The following TBCD variants were observed in gnomAD, a reference collection of about 807,000 sequenced individuals.
TBCD encodes the protein tubulin folding cofactor D.
A neutral mutation model predicts 169.3 loss-of-function variants in TBCD; 105 were observed. The observed-to-expected ratio is 0.62, with a 90% CI of 0.53 to 0.73. TBCD has a LOEUF of 0.73. Among genes scored for constraint, TBCD ranks in the 30% least tolerant of loss-of-function variants. The pLI is 0.00. For synonymous variants in TBCD, 700 were observed against 643.9 expected, an observed-to-expected ratio of 1.09 and a Z score of -1.32; for missense variants, 1,444 against 1,600.1, an observed-to-expected ratio of 0.90 and a Z score of 1.66.
chr17:82,865,043 C>A (rs1044887281), intron 13 of TBCD, among the ~76,000 whole-genome samples: 7 of 152,222 alleles, frequency 4.6e-5, no homozygotes, highest in African/African-American at 1.7e-4. Context: ...TCCCTGCAGG[C>A]AGCTGAGGGC....
chr17:82,838,549 G>T, intron 13 of TBCD: 4 of 643,618 alleles, frequency 6.2e-6, no homozygotes, highest in Non-Finnish European at 7.7e-6. Context: ...ACAATATTGT[G>T]ATGTGGCGTT....
chr17:82,858,987 G>T (rs2056541730), intron 13 of TBCD, among the ~76,000 whole-genome samples: 1 of 152,240 alleles, frequency 6.6e-6, no homozygotes, highest in Non-Finnish European at 1.5e-5. Context: ...GGGCCAGGCT[G>T]CGTGGCAACC....
intron 32 of TBCD, 111 bp downstream of exon 32, chr17:82,929,611 A>G (rs746785278): frequency 5.5e-6 from 8 of 1,442,570 alleles, no homozygotes; most frequent in Middle Eastern, 1.7e-4. Flanking sequence ...ATTGCTTTCT[A>G]TCTCTCTCGG....
chr17:82,873,021 G>GGT (rs2057720954), intron 14 of TBCD, among the ~76,000 whole-genome samples: 1 of 143,406 alleles, frequency 7.0e-6, no homozygotes, highest in African/African-American at 2.8e-5. Flanking sequence ...AGGCCCGTCT[G>GGT]GGCAGCAGCT....
At chr17:82,926,191 G>A (rs529915008) in intron 27 of TBCD, among the ~76,000 whole-genome samples, 8 of 149,716 alleles carry the variant, frequency 5.3e-5, no homozygotes, top group African/African-American at 1.7e-4. Context: ...GGGTTGTACT[G>A]GGGGCCGTGG....
At position 82,889,183 on chromosome 17, in the gene TBCD, C is replaced by A. The variant is rs2058956979; in HGVS notation, c.1534-485C>A. Among the ~76,000 whole-genome samples the A allele has an allele frequency of 6.6e-6, 1 of 152,162 alleles. No individual in the cohort carries two copies. Among genetic ancestry groups the A allele is most frequent in the Non-Finnish European group, 1.5e-5 (1 of 68,016 alleles). On this transcript the variant is annotated intron_variant, in intron 15 of 38. Transcript: ENST00000355528. The surrounding 1 kb of genome is among the most constrained non-coding windows in gnomAD (Gnocchi z 5.3). Reference sequence around the variant, plus strand: ...TTCACATTTTGACCTTTTCAGCAGCCCTTGCTCTGGGCCTGTGCCCGGCCC... The same window carrying A: ...TTCACATTTTGACCTTTTCAGCAGCACTTGCTCTGGGCCTGTGCCCGGCCC...
intron 14 of TBCD, among the ~76,000 whole-genome samples, chr17:82,882,359 G>A (rs1294254468): frequency 6.6e-6 from 1 of 152,222 alleles, no homozygotes; most frequent in Non-Finnish European, 1.5e-5. Context: ...AGGAGACTGT[G>A]GCCCTGTGGC....
In TBCD at chr17:82,797,758, C is replaced by A. The variant is rs2050204321; in HGVS notation, c.773C>A (p.Ala258Glu). Residue 258 changes from alanine to glutamate, a missense_variant and splice_region_variant, in exon 8 of 39, where the codon GCA becomes GAA. Physicochemically the swap from Ala to Glu is moderately radical, Grantham distance 107. Transcript: ENST00000355528. ...AAAAATCTTTTTTTTTTTTTTTAGG[C>A]ACAAATATTTAAACATGGAAAACGT... is the stretch of plus-strand genomic sequence containing the variant. ...ITMDGTLQAL[A>E]QIFKHGKRED... 3 of 1,516,630 alleles carry A rather than the reference C, an allele frequency of 2.0e-6. No individual in the cohort carries two copies. Among genetic ancestry groups the A allele is most frequent in the Admixed American group, 2.1e-5 (1 of 47,230 alleles). The allele number at this position is 1,516,630 out of a possible 1,614,324, so 93.9% of individuals were successfully genotyped here.
chr17:82,902,387 C>G (rs757042028), intron 18 of TBCD, among the ~76,000 whole-genome samples: 8 of 152,252 alleles, frequency 5.3e-5, no homozygotes, highest in Non-Finnish European at 1.2e-4. Flanking sequence ...GAAGAGGCCT[C>G]GGGCTGGGCT....
At chr17:82,811,280 G>A (rs1196241354) in intron 12 of TBCD, among the ~76,000 whole-genome samples, 1 of 152,056 alleles carries the variant, frequency 6.6e-6, no homozygotes, top group Non-Finnish European at 1.5e-5. Context: ...GCCGCTGGGC[G>A]GCCTGCTCAT....
rs529257065 is a variant in TBCD, at chr17:82,782,687, C to T, written c.771+966C>T. On this transcript the variant is annotated intron_variant, in intron 7 of 38. Transcript: ENST00000355528. This position sits in a 1 kb window ranked among gnomAD's most constrained non-coding sequence, Gnocchi z 5.1. ...GTTTTAGGGGAGATGATGAGTGCCACCTCGCCACGGCGTCCTCCTGTCCGT... is the reference window on the plus strand; with the variant it reads ...GTTTTAGGGGAGATGATGAGTGCCATCTCGCCACGGCGTCCTCCTGTCCGT... 6.6e-6 allele frequency among the ~76,000 whole-genome samples: 1 copy of T among 152,140 alleles called. No individual in the cohort carries two copies. The highest frequency in any genetic ancestry group is 1.5e-5 in the Non-Finnish European group (1 of 68,030).
chr17:82,872,251 G>A (rs893594824), intron 14 of TBCD, among the ~76,000 whole-genome samples: 2 of 152,232 alleles, frequency 1.3e-5, no homozygotes, highest in Non-Finnish European at 1.5e-5. Context: ...AGAACAGCGC[G>A]GCTGGAGGGT....
At chr17:82,900,307 A>G (rs2059800783) in intron 17 of TBCD, among the ~76,000 whole-genome samples, 1 of 152,130 alleles carries the variant, frequency 6.6e-6, no homozygotes, top group Admixed American at 6.5e-5. Flanking sequence ...TCATTTTGTC[A>G]GTCTTCTTTG....
At chr17:82,887,128 A>ACTCT (rs879363962) in intron 15 of TBCD, among the ~76,000 whole-genome samples, 16 of 104,862 alleles carry the variant, frequency 1.5e-4, no homozygotes, top group African/African-American at 4.2e-4. Flanking sequence ...TTTTACCTGT[A>ACTCT]CTCTGTGTGT....
rs2061795419 is a variant in TBCD at position 82,926,775 on chromosome 17, G to C, written c.2471+284G>C. On this transcript the variant is annotated intron_variant, in intron 28 of 38. Coordinates refer to ENST00000355528, the MANE Select transcript of TBCD (RefSeq NM_005993.5). ...AAAGAGGAGCTGACCCTGCCAGCCAGTGTTTGGAATGATCTCTGCACTCGT... is the reference window on the plus strand; with the variant it reads ...AAAGAGGAGCTGACCCTGCCAGCCACTGTTTGGAATGATCTCTGCACTCGT... The C allele has an allele frequency of 7.3e-6, 4 of 548,398 alleles. No homozygotes were observed. The East Asian group carries it at 1.3e-4, about 17-fold the overall frequency. 34.0% of individuals were successfully genotyped at this position (548,398 alleles called of 1,614,324 possible). A position where few individuals can be genotyped will look rare whatever the true frequency, so the allele number is the denominator to read the frequency against.
At chr17:82,942,280 C>A in intron 38 of TBCD, 169 bp from the exon 39 acceptor site, 1 of 893,860 alleles carries the variant, frequency 1.1e-6, no homozygotes, top group Non-Finnish European at 1.7e-6. Flanking sequence ...GTCATGAGCA[C>A]CTGTCAGCCA....
intron 18 of TBCD, 81 bp downstream of exon 18, chr17:82,900,812 G>A (rs1330361479): frequency 7.6e-6 from 8 of 1,047,176 alleles, no homozygotes; most frequent in East Asian, 4.7e-5. Flanking sequence ...AGCCTTGAGT[G>A]TATTTTCTCA....
chr17:82,928,054 G>A, intron 30 of TBCD, 66 bp downstream of exon 30: 1 of 1,483,376 alleles, frequency 6.7e-7, no homozygotes, highest in South Asian at 1.1e-5. Context: ...AGGCTGGCGG[G>A]GCGGGCGGTC....
At position 82,923,983 on chromosome 17, in the gene TBCD, C is replaced by T. The variant is rs2061571308; in HGVS notation, c.2260+250C>T. On this transcript the variant is annotated intron_variant, in intron 26 of 38. Coordinates refer to ENST00000355528, the MANE Select transcript of TBCD (RefSeq NM_005993.5). This position sits in a 1 kb window ranked among gnomAD's most constrained non-coding sequence, Gnocchi z 4.6. Reference sequence around the variant, plus strand: ...GACGCGTCTCTGTTGACGGCACCCTCTTGCTCCATCACCCAGGCTGGAGTG... The same window carrying T: ...GACGCGTCTCTGTTGACGGCACCCTTTTGCTCCATCACCCAGGCTGGAGTG... Among the ~76,000 whole-genome samples, 1 of 152,194 alleles carries T rather than the reference C, an allele frequency of 6.6e-6. No homozygotes were observed. The highest frequency in any genetic ancestry group is 2.4e-5 in the African/African-American group (1 of 41,442).
Sources: allele counts gnomAD v4.1 joint callset (sites outside exome capture counted in the v4.1 genomes callset), GRCh38; gene constraint gnomAD v4.1.1; non-coding constraint Gnocchi (gnomAD v3.1); transcripts MANE v1.5; gene names NCBI Gene and HGNC (gene_info 2026-07-23, HGNC 2026-07-21).